The following TOX2 variants were observed in gnomAD, a reference collection of about 807,000 sequenced individuals.
TOX2 encodes granulosa cell HMG box 1.
In TOX2, 15 loss-of-function variants were observed where a neutral mutation model predicts 47.4. The observed-to-expected ratio is 0.32, with a 90% CI of 0.21 to 0.49. The LOEUF is 0.49. Among genes scored for constraint, TOX2 ranks in the 20% least tolerant of loss-of-function variants. TOX2 has a pLI of 0.99. For missense variants in TOX2, 622 were observed against 673.1 expected, an observed-to-expected ratio of 0.92 and a Z score of 0.84; for synonymous variants, 290 against 296.6, an observed-to-expected ratio of 0.98 and a Z score of 0.23.
chr20:44,013,888 G>A (rs116162641), intron 3 of TOX2, among the ~76,000 whole-genome samples: 151 of 152,110 alleles, frequency 9.9e-4, no homozygotes, highest in African/African-American at 3.5e-3. Context: ...TCAGTACTTC[G>A]GGAGGCCAAG....
intron 3 of TOX2, among the ~76,000 whole-genome samples, chr20:44,016,736 C>A (rs562868645): frequency 6.6e-6 from 1 of 152,306 alleles, no homozygotes; most frequent in African/African-American, 2.4e-5. Context: ...CCTTGTCCAC[C>A]CAGTGAACTC....
intron 1 of TOX2, among the ~76,000 whole-genome samples, chr20:43,930,129 C>G (rs1484822071): frequency 2.0e-5 from 3 of 152,124 alleles, no homozygotes; most frequent in Non-Finnish European, 4.4e-5. Flanking sequence ...CATTGCATCC[C>G]CATGGTGTCT....
intron 1 of TOX2, among the ~76,000 whole-genome samples, chr20:43,923,159 G>A (rs1024635776): frequency 6.6e-6 from 1 of 152,126 alleles, no homozygotes; most frequent in African/African-American, 2.4e-5. Flanking sequence ...ACCTGCCTGC[G>A]TGGGAGTTGG....
intron 1 of TOX2, chr20:43,945,862 G>T (rs1466742652): frequency 6.2e-7 from 1 of 1,602,540 alleles, no homozygotes; most frequent in Non-Finnish European, 8.5e-7. Flanking sequence ...TTGTCAGGAG[G>T]GCTTATAAAG....
At chr20:43,966,756 A>G (rs543815096) in intron 1 of TOX2, among the ~76,000 whole-genome samples, 1 of 150,548 alleles carries the variant, frequency 6.6e-6, no homozygotes, top group African/African-American at 2.4e-5. Flanking sequence ...TCTGTCTCAA[A>G]AAAAAAAAAA....
At chr20:44,024,783 TATATACAATAATATATACAATATACAAAG>T (rs1482486455) in intron 3 of TOX2, among the ~76,000 whole-genome samples, 1 of 144,560 alleles carries the variant, frequency 6.9e-6, no homozygotes, top group African/African-American at 2.9e-5. Context: ...ACAAAGATAA[TATATACAATAATATATACAATATACAAAG>T]ATATACAATA....
chr20:43,997,385 G>A (rs1037776406), intron 2 of TOX2, among the ~76,000 whole-genome samples: 1 of 152,014 alleles, frequency 6.6e-6, no homozygotes, highest in East Asian at 1.9e-4. Context: ...AAACCAAAGG[G>A]TCAAGCAGAA....
intron 2 of TOX2, among the ~76,000 whole-genome samples, chr20:43,992,799 G>A (rs558828633): frequency 9.3e-5 from 14 of 150,194 alleles, no homozygotes; most frequent in African/African-American, 3.5e-4. Flanking sequence ...TAGAAAAATG[G>A]CAGAGGTAAT....
intron 1 of TOX2, among the ~76,000 whole-genome samples, chr20:43,956,135 C>G (rs2069664979): frequency 6.6e-6 from 1 of 152,186 alleles, no homozygotes; most frequent in Non-Finnish European, 1.5e-5. Flanking sequence ...GAAGCCACCT[C>G]TTCCGTGAAG....
chr20:43,983,107 T>C (rs2070196955), intron 2 of TOX2, among the ~76,000 whole-genome samples: 1 of 151,820 alleles, frequency 6.6e-6, no homozygotes, highest in African/African-American at 2.4e-5. Context: ...TCACAGGGCA[T>C]GCGCAGCACC....
intron 3 of TOX2, among the ~76,000 whole-genome samples, chr20:44,029,397 T>G (rs1032679709): frequency 6.6e-6 from 1 of 152,074 alleles, no homozygotes; most frequent in African/African-American, 2.4e-5. Context: ...CTGCCCTCAA[T>G]AGTGAAAAGA....
intron 1 of TOX2, among the ~76,000 whole-genome samples, chr20:43,943,537 C>G (rs890928112): frequency 6.6e-6 from 1 of 152,154 alleles, no homozygotes; most frequent in Non-Finnish European, 1.5e-5. Context: ...ATACTCACCT[C>G]TGTGTGTAAG....
intron 3 of TOX2, among the ~76,000 whole-genome samples, chr20:44,015,704 T>G (rs2070867509): frequency 6.6e-6 from 1 of 152,202 alleles, no homozygotes; most frequent in African/African-American, 2.4e-5. Context: ...ACAAAAGATT[T>G]TTTTGTATGT....
At chr20:44,057,566 C>CAAAG (rs1317115683) in intron 5 of TOX2, among the ~76,000 whole-genome samples, 1 of 152,172 alleles carries the variant, frequency 6.6e-6, no homozygotes, top group African/African-American at 2.4e-5. Context: ...TTCAAATCAT[C>CAAAG]AAAGAGCTAA....
Position 44,069,551 on chromosome 20 carries a change from T to C in TOX2, c.*865T>C, listed in dbSNP as rs1233750049. ...GCAGCTGTTTCCTGGCCCTGGCGAG[T>C]GTCTGTCTTGGTGCCCAGTGCTTCT... On this transcript the variant is annotated 3_prime_UTR_variant, in exon 9 of 9. Transcript: ENST00000341197. The C allele has an allele frequency of 1.3e-5, 2 of 152,828 alleles. No individual in the cohort carries two copies. The highest frequency in any genetic ancestry group is 4.8e-5 in the African/African-American group (2 of 41,388). 9.5% of individuals were successfully genotyped at this position (152,828 alleles called of 1,614,324 possible).
At chr20:43,974,869 CA>C (rs2145482598) in intron 2 of TOX2, among the ~76,000 whole-genome samples, 1 of 152,356 alleles carries the variant, frequency 6.6e-6, no homozygotes, top group South Asian at 2.1e-4. Flanking sequence ...GCCACCATAC[CA>C]TGCCCCTCTC....
chr20:43,932,076 G>A (rs955657779), intron 1 of TOX2, among the ~76,000 whole-genome samples: 1 of 152,138 alleles, frequency 6.6e-6, no homozygotes, highest in Non-Finnish European at 1.5e-5. Context: ...AGTTGGATCT[G>A]GGGTATGGTG....
At chr20:43,918,032 G>C (rs1433320536) in intron 1 of TOX2, among the ~76,000 whole-genome samples, 1 of 138,560 alleles carries the variant, frequency 7.2e-6, no homozygotes, top group Non-Finnish European at 1.6e-5. Flanking sequence ...ACAAAGATGA[G>C]GCCTGAGCCC....
intron 7 of TOX2, 149 bp from the exon 8 acceptor site, chr20:44,066,581 G>C (rs2071825939): frequency 8.3e-7 from 1 of 1,204,486 alleles, no homozygotes; most frequent in African/African-American, 1.5e-5. Flanking sequence ...TTTGAAAGGT[G>C]CTCTACTGGG....
Sources: gnomAD v4.1 joint callset for allele counts (sites outside exome capture counted in the v4.1 genomes callset) on GRCh38, gnomAD v4.1.1 for gene constraint, MANE v1.5 for transcripts, NCBI Gene and HGNC (gene_info 2026-07-23, HGNC 2026-07-21) for gene names.